The following CALN1 variants were observed in gnomAD, a reference collection of about 807,000 sequenced individuals.
CALN1 encodes the protein calneuron 1.
In CALN1, 17 loss-of-function variants were observed where a neutral mutation model predicts 30.6. That is an observed-to-expected ratio of 0.56 (90% CI 0.38 to 0.83). The LOEUF is 0.83. CALN1 is among the 40% of genes least tolerant of loss of function. The probability of loss-of-function intolerance (pLI) is 0.00; values close to 1 mark genes in which losing one functional copy is unlikely to be tolerated. For synonymous variants in CALN1, 156 were observed against 131.4 expected, an observed-to-expected ratio of 1.19 and a Z score of -1.28; for missense variants, 291 against 354.9, an observed-to-expected ratio of 0.82 and a Z score of 1.45.
chr7:72,493,969 C>T, the CALN1 span, among the ~76,000 whole-genome samples: 2 of 152,188 alleles, frequency 1.3e-5, no homozygotes, highest in African/African-American at 2.4e-5. Context: ...ACAGGAGAAT[C>T]GCTTCAGGCT....
intron 3 of CALN1, among the ~76,000 whole-genome samples, chr7:72,133,996 T>G (rs1809336823): frequency 6.6e-6 from 1 of 152,236 alleles, no homozygotes; most frequent in East Asian, 1.9e-4. Context: ...ATCCCCATTG[T>G]GGTGGCATTA....
At chr7:72,089,480 A>G (rs1805706488) in intron 4 of CALN1, among the ~76,000 whole-genome samples, 1 of 152,178 alleles carries the variant, frequency 6.6e-6, no homozygotes, top group African/African-American at 2.4e-5. Context: ...TACCAATAAA[A>G]GGGCTCTCAG....
upstream of CALN1, chr7:72,412,369 C>G (rs544583553): frequency 6.6e-6 from 1 of 152,194 alleles, no homozygotes; most frequent in Non-Finnish European, 1.5e-5. Context: ...AGCTTTTATT[C>G]TCTTATTCAG....
chr7:71,799,803 C>T (rs767471518), intron 6 of CALN1, among the ~76,000 whole-genome samples: 19 of 152,134 alleles, frequency 1.2e-4, no homozygotes, highest in Non-Finnish European at 2.1e-4. Context: ...TTCAGAATCT[C>T]ATTGCTTCCT....
chr7:72,418,934 T>C (rs1807517438), intron 1 of CALN1, among the ~76,000 whole-genome samples: 1 of 152,136 alleles, frequency 6.6e-6, no homozygotes, highest in African/African-American at 2.4e-5. Context: ...GAGGATTGCT[T>C]GAGCCCAGGA....
intron 2 of CALN1, among the ~76,000 whole-genome samples, chr7:72,382,474 A>AT (rs1168083369): frequency 6.6e-6 from 1 of 152,100 alleles, no homozygotes; most frequent in Non-Finnish European, 1.5e-5. Context: ...TTTTATTTCA[A>AT]TTTTTTTAGA....
chr7:71,871,195 A>G (rs376616913), intron 5 of CALN1, among the ~76,000 whole-genome samples: 35 of 152,322 alleles, frequency 2.3e-4, no homozygotes, highest in African/African-American at 8.2e-4. Context: ...AGCTTTATTT[A>G]TTCATTTTGG....
chr7:72,356,562 G>A (rs1231021628), intron 2 of CALN1, among the ~76,000 whole-genome samples: 1 of 151,816 alleles, frequency 6.6e-6, no homozygotes, highest in Admixed American at 6.6e-5. Flanking sequence ...AAACTAACAA[G>A]GACGACTAAA....
chr7:72,273,138 G>C (rs1398626229), intron 3 of CALN1, among the ~76,000 whole-genome samples: 1 of 151,956 alleles, frequency 6.6e-6, no homozygotes, highest in Non-Finnish European at 1.5e-5. Flanking sequence ...CCAGTCTAAG[G>C]ATAAAAAGGC....
intron 5 of CALN1, among the ~76,000 whole-genome samples, chr7:71,911,599 C>T (rs1185473542): frequency 1.3e-5 from 2 of 152,144 alleles, no homozygotes; most frequent in East Asian, 3.9e-4. Flanking sequence ...ATTAGAACTT[C>T]AGGAGCTGGG....
intron 2 of CALN1, among the ~76,000 whole-genome samples, chr7:72,308,552 T>C (rs377317341): frequency 3.3e-5 from 5 of 152,148 alleles, no homozygotes; most frequent in African/African-American, 9.7e-5. Flanking sequence ...AATGAATGAA[T>C]GAACGATATG....
intron 5 of CALN1, among the ~76,000 whole-genome samples, chr7:71,998,574 CTT>C (rs61218281): frequency 8.4e-5 from 12 of 142,648 alleles, no homozygotes; most frequent in Non-Finnish European, 7.7e-5. Flanking sequence ...AACAGATATA[CTT>C]TTTTTTTTTT....
At chr7:72,140,433 T>C (rs921075700) in intron 3 of CALN1, among the ~76,000 whole-genome samples, 4 of 151,684 alleles carry the variant, frequency 2.6e-5, no homozygotes, top group African/African-American at 9.7e-5. Flanking sequence ...GAGTCCCACC[T>C]CCTTCTGCTG....
intron 3 of CALN1, among the ~76,000 whole-genome samples, chr7:72,243,714 C>T (rs551283941): frequency 6.6e-6 from 1 of 152,160 alleles, no homozygotes; most frequent in Non-Finnish European, 1.5e-5. Flanking sequence ...CTAGGCTGAT[C>T]TAATGAGATT....
At chr7:72,471,825 G>A in the CALN1 span, among the ~76,000 whole-genome samples, 1 of 152,270 alleles carries the variant, frequency 6.6e-6, no homozygotes, top group East Asian at 1.9e-4. Flanking sequence ...TTTTGAGGCA[G>A]AGTCTTGCTC....
intron 3 of CALN1, among the ~76,000 whole-genome samples, chr7:72,186,476 G>A (rs1479170399): frequency 1.3e-5 from 2 of 152,066 alleles, no homozygotes; most frequent in Non-Finnish European, 2.9e-5. Context: ...TTTGTTACCT[G>A]ACGACATCGC....
intron 5 of CALN1, among the ~76,000 whole-genome samples, chr7:71,996,843 A>G (rs1366690646): frequency 1.3e-5 from 2 of 152,244 alleles, no homozygotes; most frequent in Non-Finnish European, 2.9e-5. Context: ...AGTCTACTGA[A>G]ACAAATGAAA....
At chr7:71,904,078 G>A in intron 5 of CALN1, among the ~76,000 whole-genome samples, 1 of 152,150 alleles carries the variant, frequency 6.6e-6, no homozygotes, top group East Asian at 1.9e-4. Context: ...GGAAAAAAAG[G>A]AAACCCTTAT....
At chr7:72,102,884 C>T (rs948434961) in intron 4 of CALN1, among the ~76,000 whole-genome samples, 3 of 151,894 alleles carry the variant, frequency 2.0e-5, no homozygotes, top group Non-Finnish European at 4.4e-5. Flanking sequence ...ACCATCCTGC[C>T]CACCATGGTG....
Sources: gnomAD v4.1 joint callset for allele counts (sites outside exome capture counted in the v4.1 genomes callset) on GRCh38, gnomAD v4.1.1 for gene constraint, MANE v1.5 for transcripts, NCBI Gene and HGNC (gene_info 2026-07-23, HGNC 2026-07-21) for gene names.